Variants in THRB observed in about 807,000 individuals in gnomAD.
THRB encodes the protein thyroid hormone receptor beta, also known as nuclear receptor subfamily 1 group A member 2.
THRB carries 12 observed loss-of-function variants against 47.8 expected under a neutral mutation model. The ratio of observed to expected loss-of-function variants is 0.25; its 90% CI spans 0.16 to 0.41. The LOEUF is 0.41. Among genes scored for constraint, THRB ranks in the 10% least tolerant of loss-of-function variants. The pLI, the probability that THRB is intolerant of heterozygous loss-of-function variation, is 1.00. For synonymous variants in THRB, 218 were observed against 212.2 expected, an observed-to-expected ratio of 1.03 and a Z score of -0.24; for missense variants, 348 against 589.2, an observed-to-expected ratio of 0.59 and a Z score of 4.24.
chr3:24,154,532 G>C (rs1296091126), intron 5 of THRB, among the ~76,000 whole-genome samples: 2 of 152,184 alleles, frequency 1.3e-5, no homozygotes, highest in Admixed American at 1.3e-4. Flanking sequence ...CATCATTGCA[G>C]GGAAATGCAA....
chr3:24,398,974 A>G (rs2067191358), intron 1 of THRB, among the ~76,000 whole-genome samples: 1 of 152,124 alleles, frequency 6.6e-6, no homozygotes, highest in Non-Finnish European at 1.5e-5. Context: ...AAACTATCGC[A>G]AGGACAAAAA....
intron 1 of THRB, among the ~76,000 whole-genome samples, chr3:24,381,877 T>C (rs1028270866): frequency 1.3e-5 from 2 of 151,816 alleles, no homozygotes; most frequent in Non-Finnish European, 2.9e-5. Flanking sequence ...GATACAATCT[T>C]TAGAAAAATA....
chr3:24,357,346 C>CA (rs781709724), intron 1 of THRB, among the ~76,000 whole-genome samples: 2,517 of 28,758 alleles, frequency 0.088, 694 homozygotes, highest in Admixed American at 0.14. Flanking sequence ...TTGTCTCTCC[C>CA]AAAAAAAAAA....
chr3:24,320,303 G>A (rs2058399262), intron 2 of THRB, among the ~76,000 whole-genome samples: 1 of 152,202 alleles, frequency 6.6e-6, no homozygotes, highest in African/African-American at 2.4e-5. Context: ...TGTATTGTCT[G>A]CTCTTTACCA....
At chr3:24,228,451 T>C (rs372290238) in intron 4 of THRB, among the ~76,000 whole-genome samples, 3 of 151,906 alleles carry the variant, frequency 2.0e-5, no homozygotes, top group East Asian at 3.9e-4. Context: ...GAGCCATTTA[T>C]TATATTAATT....
At position 24,269,438 on chromosome 3, in the gene THRB, C is replaced by CATAT. The variant is rs1186024694; in HGVS notation, c.-43+27787_-43+27788insATAT. 6.5e-3 allele frequency among the ~76,000 whole-genome samples: 905 copies of CATAT among 139,258 alleles called. 13 individuals carry two copies. The highest frequency in any genetic ancestry group is 0.024 in the African/African-American group (814 of 33,696). The allele number at this position is 139,258 out of a possible 152,430, so 91.4% of individuals were successfully genotyped here. ...ACACACACACACACACACACACACACACACTTAAGTTATCTTCGCTGTGTT... is the reference window on the plus strand; with the variant it reads ...ACACACACACACACACACACACACACATATACACTTAAGTTATCTTCGCTGTGTT... On this transcript the variant is annotated intron_variant, in intron 3 of 10. Transcript: ENST00000646209.
intron 5 of THRB, among the ~76,000 whole-genome samples, chr3:24,174,036 T>C (rs1053430673): frequency 2.6e-5 from 4 of 151,770 alleles, no homozygotes; most frequent in Non-Finnish European, 5.9e-5. Flanking sequence ...AAATTTTTAT[T>C]TTACTTCAAG....
Position 24,190,108 on chromosome 3 carries a change from G to T in THRB, c.249C>A (p.Ala83=). The part of the protein sequence containing the change: ...DDVNDQSVSS[A]QTFQTEEKKC... Reference sequence around the variant, plus strand: ...TCTTCTCCTCCGTTTGGAAGGTCTGGGCACTTGAGACACTCTGGTCGTTCA... The same window carrying T: ...TCTTCTCCTCCGTTTGGAAGGTCTGTGCACTTGAGACACTCTGGTCGTTCA... The change falls in exon 5 of 11, where the codon GCC becomes GCA. Residue 83 remains alanine, a synonymous_variant. Coordinates refer to ENST00000646209, the MANE Select transcript of THRB (RefSeq NM_001354712.2). The T allele has an allele frequency of 6.2e-7, 1 of 1,614,008 alleles. No homozygotes were observed. Among genetic ancestry groups the T allele is most frequent in the Non-Finnish European group, 8.5e-7 (1 of 1,179,928 alleles).
At chr3:24,247,996 A>G (rs564054394) in intron 3 of THRB, among the ~76,000 whole-genome samples, 19 of 152,302 alleles carry the variant, frequency 1.2e-4, no homozygotes, top group African/African-American at 4.6e-4. Flanking sequence ...AATTTTTCAC[A>G]TGGCCAACCC....
chr3:24,460,661 A>G (rs2125645056), intron 1 of THRB, among the ~76,000 whole-genome samples: 1 of 152,312 alleles, frequency 6.6e-6, no homozygotes, highest in Admixed American at 6.5e-5. Flanking sequence ...TGCTGTAGTT[A>G]TGACTGAGTG....
intron 1 of THRB, among the ~76,000 whole-genome samples, chr3:24,363,353 C>T (rs2064209254): frequency 6.6e-6 from 1 of 152,130 alleles, no homozygotes; most frequent in Admixed American, 6.6e-5. Context: ...TTTAATGTTT[C>T]AAATACTCTC....
At chr3:24,354,406 A>T (rs535162105) in intron 1 of THRB, among the ~76,000 whole-genome samples, 1 of 152,342 alleles carries the variant, frequency 6.6e-6, no homozygotes, top group South Asian at 2.1e-4. Context: ...GGAACTTCAA[A>T]TGCTATCACA....
At chr3:24,313,577 T>C (rs1323701512) in intron 2 of THRB, among the ~76,000 whole-genome samples, 1 of 152,234 alleles carries the variant, frequency 6.6e-6, no homozygotes, top group Non-Finnish European at 1.5e-5. Flanking sequence ...ATGTCTATTA[T>C]ATGCTCTATT....
chr3:24,179,276 C>T (rs7652444), intron 5 of THRB, among the ~76,000 whole-genome samples: 53,644 of 152,032 alleles, frequency 0.35, 9,971 homozygotes, highest in African/African-American at 0.47. Context: ...TAGGCATCAA[C>T]GTTAAACTTC....
chr3:24,313,027 T>C (rs1048105884), intron 2 of THRB, among the ~76,000 whole-genome samples: 7 of 152,032 alleles, frequency 4.6e-5, no homozygotes, highest in African/African-American at 1.7e-4. Flanking sequence ...GCAGAATAGG[T>C]AGGAGTTGCT....
intron 1 of THRB, among the ~76,000 whole-genome samples, chr3:24,452,358 A>T (rs966999927): frequency 6.6e-6 from 1 of 152,076 alleles, no homozygotes; most frequent in Non-Finnish European, 1.5e-5. Flanking sequence ...CCCTAGTCCT[A>T]GCCCTGGTCT....
At chr3:24,233,567 GAAAGAAAGAAAGAAAGA>G (rs2048494561) in intron 3 of THRB, among the ~76,000 whole-genome samples, 4 of 135,622 alleles carry the variant, frequency 2.9e-5, no homozygotes, top group African/African-American at 1.1e-4. Flanking sequence ...AAGGAAGAAA[GAAAGAAAGAAAGAAAGA>G]AAGAAAGAAA....
intron 4 of THRB, among the ~76,000 whole-genome samples, chr3:24,195,966 G>A (rs2043908633): frequency 6.6e-6 from 1 of 152,226 alleles, no homozygotes. Context: ...CACTGGAAAT[G>A]TAAGCATGAC....
At chr3:24,457,907 T>C (rs1273706459) in intron 1 of THRB, 1 of 152,128 alleles carries the variant, frequency 6.6e-6, no homozygotes, top group Non-Finnish European at 1.5e-5. Flanking sequence ...TTCAGAGTCA[T>C]GATGGTAGTA....
Sources: allele counts gnomAD v4.1 joint callset (sites outside exome capture counted in the v4.1 genomes callset), GRCh38; gene constraint gnomAD v4.1.1; transcripts MANE v1.5; gene names NCBI Gene and HGNC (gene_info 2026-07-23, HGNC 2026-07-21).